USP54: variants seen among roughly 807,000 people sequenced by gnomAD.
USP54 encodes ubiquitin carboxyl-terminal hydrolase 54.
Under a neutral mutation model 170.5 loss-of-function variants are expected in USP54, and 87 were observed. The observed-to-expected ratio is 0.51, with a 90% confidence interval of 0.43 to 0.61. USP54 has a LOEUF of 0.61. Ranked by LOEUF, USP54 falls within the 20% of genes least tolerant of loss-of-function variation. The probability of loss-of-function intolerance (pLI) is 0.00; values close to 1 mark genes in which losing one functional copy is unlikely to be tolerated. For missense variants in USP54, 1,786 were observed against 2,047.8 expected (o/e 0.87, Z 2.47); for synonymous variants, 655 against 742.8 (o/e 0.88, Z 1.92).
intron 1 of USP54, among the ~76,000 whole-genome samples, chr10:73,621,919 T>C (rs2132362924): frequency 6.6e-6 from 1 of 152,278 alleles, no homozygotes; most frequent in South Asian, 2.1e-4. Flanking sequence ...GGAGAAAATG[T>C]ATGAGTAAAA....
chr10:73,582,925 A>C (rs551042933), intron 1 of USP54, among the ~76,000 whole-genome samples: 15 of 152,344 alleles, frequency 9.8e-5, no homozygotes, highest in Non-Finnish European at 1.9e-4. Flanking sequence ...TCAAGGTCAA[A>C]ATAACCAGTA....
chr10:73,567,244 T>C (rs1259474226), intron 4 of USP54, among the ~76,000 whole-genome samples: 1 of 152,248 alleles, frequency 6.6e-6, no homozygotes, highest in African/African-American at 2.4e-5. Context: ...GATTACTCGT[T>C]ATACTGGATT....
In USP54 at chr10:73,541,750, G is replaced by A; in HGVS notation, c.573-12C>T. 2.5e-6 allele frequency: 4 copies of A among 1,610,462 alleles called. No individual in the cohort carries two copies. The South Asian group carries it at 3.3e-5, about 13-fold the overall frequency. On this transcript the variant is annotated splice_polypyrimidine_tract_variant and intron_variant, in intron 7 of 23. Coordinates refer to ENST00000687698, the MANE Select transcript of USP54 (RefSeq NM_001391956.1). The stretch of plus-strand genomic sequence containing the variant: ...AAATAGCCTGATTGCTTCAAGATGG[G>A]GAATAGAAGGGGGATGATGGTTTGT...
At chr10:73,511,966 G>C (rs549414185) in intron 20 of USP54, among the ~76,000 whole-genome samples, 2 of 151,554 alleles carry the variant, frequency 1.3e-5, no homozygotes. Context: ...GGCTGGTCTC[G>C]AACTCCTGAC....
At chr10:73,618,901 A>G (rs1408935602) in intron 1 of USP54, among the ~76,000 whole-genome samples, 1 of 149,662 alleles carries the variant, frequency 6.7e-6, no homozygotes, top group Non-Finnish European at 1.5e-5. Flanking sequence ...ACAGAGCGAG[A>G]CTCCATCTCA....
intron 1 of USP54, among the ~76,000 whole-genome samples, chr10:73,599,521 C>T (rs1564948843): frequency 6.6e-6 from 1 of 152,132 alleles, no homozygotes; most frequent in East Asian, 1.9e-4. Flanking sequence ...AGACATTTGT[C>T]TCTCTCTAGT....
chr10:73,565,995 C>T (rs2073691239), intron 4 of USP54, among the ~76,000 whole-genome samples: 1 of 152,014 alleles, frequency 6.6e-6, no homozygotes, highest in Admixed American at 6.6e-5. Flanking sequence ...TTTTGGGAGG[C>T]CAAGGAGGGC....
At chr10:73,542,939 G>A (rs374551479) in intron 6 of USP54, 54 bp from the exon 7 acceptor site, 30 of 1,611,498 alleles carry the variant, frequency 1.9e-5, no homozygotes, top group Non-Finnish European at 2.5e-5. Flanking sequence ...GAACTGTTTT[G>A]GCACCCATTT....
At chr10:73,502,577 T>A (rs894768327) in intron 22 of USP54, among the ~76,000 whole-genome samples, 1 of 151,936 alleles carries the variant, frequency 6.6e-6, no homozygotes, top group Non-Finnish European at 1.5e-5. Flanking sequence ...CCTCCCAAAG[T>A]GCTGGGATTA....
At chr10:73,592,544 G>A (rs1428655385), upstream of USP54, among the ~76,000 whole-genome samples, 1 of 151,554 alleles carries the variant, frequency 6.6e-6, no homozygotes, top group Non-Finnish European at 1.5e-5. Flanking sequence ...AGGTCTCCTA[G>A]TGGTGCTAGG....
In USP54 at chr10:73,516,651, G is replaced by A. The variant is rs534128549; in HGVS notation, c.3775C>T (p.Pro1259Ser). Residue 1259 changes from proline to serine, a missense_variant, in exon 20 of 24, where the codon CCT becomes TCT. Transcript: ENST00000687698. ...GSSTDLGTSL[P>S]LDSWVNITRF... ...GTGATATTCACCCAGGAATCCAAAGGCAAGGAAGTCCCCAAGTCAGTACTG... is the reference window on the plus strand; with the variant it reads ...GTGATATTCACCCAGGAATCCAAAGACAAGGAAGTCCCCAAGTCAGTACTG... 6.2e-7 allele frequency: 1 copy of A among 1,614,210 alleles called. No individual in the cohort carries two copies. Among genetic ancestry groups the A allele is most frequent in the East Asian group, 2.2e-5 (1 of 44,888 alleles).
At chr10:73,572,816 G>C (rs1253410788) in intron 3 of USP54, among the ~76,000 whole-genome samples, 1 of 152,040 alleles carries the variant, frequency 6.6e-6, no homozygotes, top group East Asian at 1.9e-4. Flanking sequence ...ATTAGAATGG[G>C]AAATCATAAA....
chr10:73,542,316 T>C (rs1289238804), intron 7 of USP54, among the ~76,000 whole-genome samples: 1 of 152,052 alleles, frequency 6.6e-6, no homozygotes, highest in Non-Finnish European at 1.5e-5. Flanking sequence ...GCCAGGCTGG[T>C]CTCGAACTCT....
intron 3 of USP54, among the ~76,000 whole-genome samples, chr10:73,575,122 G>A (rs2133820962): frequency 6.6e-6 from 1 of 152,020 alleles, no homozygotes; most frequent in Admixed American, 6.6e-5. Context: ...CTACTCGGGA[G>A]GCTGAGGCAA....
rs188640931 is a variant in USP54, at chr10:73,554,440, A to G, written c.241-8768T>C. Among the ~76,000 whole-genome samples the G allele has an allele frequency of 5.3e-5, 8 of 152,332 alleles. No individual in the cohort carries two copies. In the East Asian group the frequency reaches 1.5e-3, roughly 29 times the overall value. On this transcript the variant is annotated intron_variant, in intron 4 of 23. Coordinates refer to ENST00000687698, the MANE Select transcript of USP54 (RefSeq NM_001391956.1). ...TTCTTTGTAAACACTACCCTCTGTA[A>G]GTAAGTTAAAGGAGCTAGTCCTTGA...
chr10:73,569,902 C>CAA lies in USP54; in HGVS notation c.240+1517_240+1518dup, dbSNP rs34676499. On this transcript the variant is annotated intron_variant, in intron 4 of 23. Coordinates refer to ENST00000687698, the MANE Select transcript of USP54 (RefSeq NM_001391956.1). ...GGGCAACAGAGCAAGATTTCATCTC[C>CAA]AAAAAAAAAAAAAAAAAAAAAAAAA... Among the ~76,000 whole-genome samples the CAA allele has an allele frequency of 6.2e-3, 115 of 18,694 alleles. 25 individuals are homozygous for CAA. The highest frequency in any genetic ancestry group is 8.0e-3 in the Non-Finnish European group (74 of 9,224). The allele number at this position is 18,694 out of a possible 152,430, so 12.3% of individuals were successfully genotyped here.
In USP54 at chr10:73,545,579, G is replaced by A. The variant is rs1368496696; in HGVS notation, c.334C>T (p.Arg112Cys). 12 of 1,614,054 alleles carry A rather than the reference G, an allele frequency of 7.4e-6. No homozygotes were observed. Among genetic ancestry groups the A allele is most frequent in the East Asian group, 4.5e-5 (2 of 44,892 alleles). The stretch of plus-strand genomic sequence containing the variant: ...TCATCCATAATTCCCAGCTGGAAAC[G>A]TTGTTCATCCTGGAAAGTCTTTGCC... Reference protein sequence around the residue: ...ALAKTFQDEQRFQLGIMDDAA... With the variant: ...ALAKTFQDEQCFQLGIMDDAA... Residue 112 changes from arginine to cysteine, a missense_variant, in exon 5 of 24, where the codon CGT (arginine) becomes TGT (cysteine). Around this residue, in one of 3 missense-constraint regions of USP54, gnomAD observed 361 missense variants for 455.0 expected, o/e 0.79. Coordinates refer to ENST00000687698, the MANE Select transcript of USP54 (RefSeq NM_001391956.1).
At chr10:73,549,824 ATTC>A (rs1391548717) in intron 4 of USP54, among the ~76,000 whole-genome samples, 1 of 152,196 alleles carries the variant, frequency 6.6e-6, no homozygotes, top group Non-Finnish European at 1.5e-5. Flanking sequence ...AGATCATATC[ATTC>A]TTCTGCTCAA....
chr10:73,578,638 C>G (rs1202247751), intron 1 of USP54, among the ~76,000 whole-genome samples: 1 of 152,166 alleles, frequency 6.6e-6, no homozygotes. Flanking sequence ...CCCCTGACTT[C>G]AGGTGATCCA....
Sources: gnomAD v4.1 joint callset for allele counts (sites outside exome capture counted in the v4.1 genomes callset) on GRCh38, gnomAD v4.1.1 for gene constraint, gnomAD v4.1.1 regional missense constraint, MANE v1.5 for transcripts, NCBI Gene and HGNC (gene_info 2026-07-23, HGNC 2026-07-21) for gene names.